DAB2IP: variants seen among roughly 807,000 people sequenced by gnomAD.
The protein encoded by DAB2IP is disabled homolog 2-interacting protein.
DAB2IP carries 28 observed loss-of-function variants against 107.2 expected under a neutral mutation model. The ratio of observed to expected loss-of-function variants is 0.26; its 90% CI spans 0.19 to 0.36. The LOEUF is 0.36. Among genes scored for constraint, DAB2IP ranks in the 10% least tolerant of loss-of-function variants. The pLI, the probability that DAB2IP is intolerant of heterozygous loss-of-function variation, is 1.00. For synonymous variants in DAB2IP, 755 were observed against 706.4 expected (o/e 1.07, Z -1.09); for missense variants, 1,400 against 1,644.7 (o/e 0.85, Z 2.57).
Position 121,759,880 on chromosome 9 carries a change from T to C in DAB2IP, c.616-5T>C. On this transcript the variant is annotated splice_polypyrimidine_tract_variant and splice_region_variant and intron_variant, in intron 5 of 15. Coordinates refer to ENST00000408936, the Ensembl canonical transcript of DAB2IP. ...TGACCACCCTGGACCCCCGTGCACATACAGGACAACAGCCGGCGTGTGGAG... is the reference window on the plus strand; with the variant it reads ...TGACCACCCTGGACCCCCGTGCACACACAGGACAACAGCCGGCGTGTGGAG... 1 of 1,610,366 alleles carries C rather than the reference T, an allele frequency of 6.2e-7. No homozygotes were observed. The highest frequency in any genetic ancestry group is 8.5e-7 in the Non-Finnish European group (1 of 1,177,680).
chr9:121,580,816 G>A (rs149477629), intron 1 of DAB2IP, among the ~76,000 whole-genome samples: 4,198 of 152,152 alleles, frequency 0.028, 158 homozygotes, highest in African/African-American at 0.079. Context: ...TAGTAGAGAC[G>A]GGGTTTCACC....
intron 3 of DAB2IP, among the ~76,000 whole-genome samples, chr9:121,730,579 C>T (rs929864615): frequency 6.6e-6 from 1 of 152,222 alleles, no homozygotes; most frequent in Non-Finnish European, 1.5e-5. Flanking sequence ...GTCAGCACCT[C>T]CAGGGACCTA....
intron 1 of DAB2IP, among the ~76,000 whole-genome samples, chr9:121,666,867 A>AC (rs1833455943): frequency 7.8e-6 from 1 of 128,592 alleles, no homozygotes. Context: ...CCCCAGCCCC[A>AC]ACACACACAC....
intron 2 of DAB2IP, among the ~76,000 whole-genome samples, chr9:121,686,350 C>G (rs898444313): frequency 6.6e-5 from 10 of 152,182 alleles, no homozygotes; most frequent in African/African-American, 2.4e-4. Flanking sequence ...CTCTGTACCC[C>G]CTCCTCTTCC....
At chr9:121,694,318 G>T (rs755853978) in intron 2 of DAB2IP, among the ~76,000 whole-genome samples, 1 of 152,038 alleles carries the variant, frequency 6.6e-6, no homozygotes, top group Admixed American at 6.5e-5. Context: ...TCCCCCACCC[G>T]GAAATCCAAA....
chr9:121,712,649 A>G (rs939278480), intron 3 of DAB2IP, among the ~76,000 whole-genome samples: 3 of 152,150 alleles, frequency 2.0e-5, no homozygotes, highest in Admixed American at 2.0e-4. Context: ...CCTGCCCCCA[A>G]CATGTGGTTG....
At chr9:121,642,500 T>A (rs1287295545) in intron 1 of DAB2IP, among the ~76,000 whole-genome samples, 1 of 147,972 alleles carries the variant, frequency 6.8e-6, no homozygotes, top group African/African-American at 2.5e-5. Context: ...TTTTTTTTTT[T>A]TTTTTGTAGA....
chr9:121,700,002 A>G (rs7042385), intron 3 of DAB2IP, among the ~76,000 whole-genome samples: 12,717 of 152,260 alleles, frequency 0.084, 1,289 homozygotes, highest in African/African-American at 0.24. Context: ...CGCGTGCTCC[A>G]CTGGGGGCTG....
intron 1 of DAB2IP, among the ~76,000 whole-genome samples, chr9:121,678,164 T>G (rs1828367650): frequency 6.6e-6 from 1 of 152,204 alleles, no homozygotes; most frequent in Non-Finnish European, 1.5e-5. Context: ...TTCCCCTCTC[T>G]CATCAGCCTC....
chr9:121,715,329 T>C (rs1342047357), intron 3 of DAB2IP, among the ~76,000 whole-genome samples: 2 of 151,684 alleles, frequency 1.3e-5, no homozygotes, highest in South Asian at 2.1e-4. Flanking sequence ...TTGGGTAGTT[T>C]TCTTTTTCTT....
At chr9:121,771,945 G>A (rs143778361) in intron 11 of DAB2IP, among the ~76,000 whole-genome samples, 1 of 152,108 alleles carries the variant, frequency 6.6e-6, no homozygotes, top group East Asian at 1.9e-4. Context: ...CAAGGAGCTA[G>A]CTTCTGGGGA....
chr9:121,630,169 A>C (rs1192969038), intron 1 of DAB2IP, among the ~76,000 whole-genome samples: 1 of 152,176 alleles, frequency 6.6e-6, no homozygotes, highest in Non-Finnish European at 1.5e-5. Flanking sequence ...GGGTATCCTA[A>C]AATAACATTT....
At chr9:121,758,563 T>C (rs1448555820) in intron 4 of DAB2IP, among the ~76,000 whole-genome samples, 2 of 152,136 alleles carry the variant, frequency 1.3e-5, no homozygotes, top group Non-Finnish European at 2.9e-5. Flanking sequence ...AAGGTCTTCG[T>C]TCATTCCCTC....
intron 1 of DAB2IP, among the ~76,000 whole-genome samples, chr9:121,627,689 G>A (rs1201681942): frequency 6.6e-6 from 1 of 152,208 alleles, no homozygotes; most frequent in Non-Finnish European, 1.5e-5. Flanking sequence ...GCAGAGTCTA[G>A]CCAATGCGTG....
chr9:121,617,707 G>A (rs1327467616), intron 1 of DAB2IP, among the ~76,000 whole-genome samples: 1 of 152,218 alleles, frequency 6.6e-6, no homozygotes, highest in African/African-American at 2.4e-5. Context: ...TTTTACAGAT[G>A]AGGAAATCGA....
Position 121,633,329 on chromosome 9 carries a change from G to A in DAB2IP, c.41-45349G>A, listed in dbSNP as rs561789985. The stretch of plus-strand genomic sequence containing the variant: ...TATAAATTAATCATGTGCACAAAGA[G>A]GGCCTTGTTCTCTCTTGTCAGAGCC... On this transcript the variant is annotated intron_variant, in intron 1 of 16. Coordinates refer to the DAB2IP transcript ENST00000259371. The surrounding 1 kb of genome is among the most constrained non-coding windows in gnomAD (Gnocchi z 5.1). 2.6e-5 allele frequency among the ~76,000 whole-genome samples: 4 copies of A among 152,230 alleles called. No individual in the cohort carries two copies. The South Asian group carries it at 8.3e-4, about 32-fold the overall frequency.
Position 121,699,784 on chromosome 9 carries a change from C to A in DAB2IP, c.362+326C>A, listed in dbSNP as rs1829668496. Among the ~76,000 whole-genome samples the A allele has an allele frequency of 1.3e-5, 2 of 152,206 alleles. No homozygotes were observed. The highest frequency in any genetic ancestry group is 6.5e-5 in the Admixed American group (1 of 15,288). On this transcript the variant is annotated intron_variant, in intron 3 of 15. Transcript: ENST00000408936. This position sits in a 1 kb window ranked among gnomAD's most constrained non-coding sequence, Gnocchi z 6.2. ...GGTGGGCATTGTTTCCCGGGCCGTGCGGTGCCCGAACCGGGGACGGAAGTG... is the reference window on the plus strand; with the variant it reads ...GGTGGGCATTGTTTCCCGGGCCGTGAGGTGCCCGAACCGGGGACGGAAGTG...
intron 3 of DAB2IP, among the ~76,000 whole-genome samples, chr9:121,728,341 G>A (rs1831347368): frequency 6.6e-6 from 1 of 152,170 alleles, no homozygotes; most frequent in Non-Finnish European, 1.5e-5. Context: ...GAGGTCTGTG[G>A]GAACTGCAGT....
exon 16 of DAB2IP, chr9:121,783,904 G>C (rs1187118641): frequency 3.1e-6 from 1 of 323,454 alleles, no homozygotes; most frequent in Non-Finnish European, 5.9e-6. Flanking sequence ...TCTGAGCAAA[G>C]GCCCTGGGTA....
Sources: allele counts gnomAD v4.1 joint callset (sites outside exome capture counted in the v4.1 genomes callset), GRCh38; gene constraint gnomAD v4.1.1; non-coding constraint Gnocchi (gnomAD v3.1); transcripts MANE v1.5; gene names NCBI Gene and HGNC (gene_info 2026-07-23, HGNC 2026-07-21).